SIX4: variants seen among roughly 807,000 people sequenced by gnomAD.
SIX4 encodes the protein homeobox protein SIX4.
A neutral mutation model predicts 51.5 loss-of-function variants in SIX4; 23 were observed. The ratio of observed to expected loss-of-function variants is 0.45; its 90% CI spans 0.32 to 0.63. The LOEUF is 0.63. Among genes scored for constraint, SIX4 ranks in the 30% least tolerant of loss-of-function variants. The pLI is 0.04. For synonymous variants in SIX4, 413 were observed against 417.3 expected (o/e 0.99, Z 0.13); for missense variants, 867 against 984.0 (o/e 0.88, Z 1.59).
At position 60,720,887 on chromosome 14, in the gene SIX4, T is replaced by C. The variant is rs530658275; in HGVS notation, c.864-442A>G. On this transcript the variant is annotated intron_variant, in intron 1 of 2. Coordinates refer to ENST00000216513, the MANE Select transcript of SIX4 (RefSeq NM_017420.5). The surrounding 1 kb of genome is among the most constrained non-coding windows in gnomAD (Gnocchi z 5.5). ...AAACCAATTCAGATTAGTGTTATCT[T>C]GGAGGTAAATGAAGCTGCCAAAGGA... 65 of 860,360 alleles carry C rather than the reference T, an allele frequency of 7.6e-5. No homozygotes were observed. Among genetic ancestry groups the C allele is most frequent in the Middle Eastern group, 5.9e-4 (1 of 1,706 alleles). 53.3% of individuals were successfully genotyped at this position (860,360 alleles called of 1,614,324 possible).
rs769143169 is a variant in SIX4, at chr14:60,714,063, T to C, written c.1690A>G (p.Ile564Val). 6.2e-7 allele frequency: 1 copy of C among 1,614,166 alleles called. No homozygotes were observed. The highest frequency in any genetic ancestry group is 1.7e-5 in the Admixed American group (1 of 60,012). Residue 564 changes from isoleucine (I) to valine (V), a missense_variant, in exon 3 of 3, where the codon ATA becomes GTA. Ile to Val is a conservative substitution (Grantham distance 29, BLOSUM62 3). Coordinates refer to ENST00000216513, the MANE Select transcript of SIX4 (RefSeq NM_017420.5). ...VYTVPNTGQTIGSVKQEGLER... is the reference protein window; with the variant it reads ...VYTVPNTGQTVGSVKQEGLER... ...AAGCCTTCCTGTTTCACAGATCCTA[T>C]AGTCTGGCCTGTATTAGGAACCGTG...
intron 2 of SIX4, among the ~76,000 whole-genome samples, chr14:60,714,903 A>G (rs1246840172): frequency 6.7e-6 from 1 of 149,398 alleles, no homozygotes; most frequent in African/African-American, 2.5e-5. Context: ...TGACCTTGTG[A>G]TCCACCCACC....
chr14:60,723,980 T>C lies in SIX4; in HGVS notation c.95A>G (p.His32Arg), dbSNP rs1248352358. ...MESASEGQEA[H>R]REVAGGAAVG... ...CGCCGCGCCCCCCGCCACTTCTCGG[T>C]GCGCCTCCTGCCCTTCCGAGGCGCT... The change falls in exon 1 of 3, where the codon CAC becomes CGC. Residue 32 changes from histidine to arginine, a missense_variant. By Grantham distance (29) the His-to-Arg change is conservative. Coordinates refer to ENST00000216513, the MANE Select transcript of SIX4 (RefSeq NM_017420.5). 3.3e-6 allele frequency: 5 copies of C among 1,513,614 alleles called. No homozygotes were observed. Among genetic ancestry groups the C allele is most frequent in the African/African-American group, 2.8e-5 (2 of 70,876 alleles). The allele number at this position is 1,513,614 out of a possible 1,614,324, so 93.8% of individuals were successfully genotyped here. A position where few individuals can be genotyped will look rare whatever the true frequency, so the allele number is the denominator to read the frequency against.
In SIX4 at chr14:60,723,888, C is replaced by A. The variant is rs1896087178; in HGVS notation, c.187G>T (p.Ala63Ser). 1.3e-6 allele frequency: 2 copies of A among 1,526,614 alleles called. No homozygotes were observed. The highest frequency in any genetic ancestry group is 1.7e-6 in the Non-Finnish European group (2 of 1,153,076). The allele number at this position is 1,526,614 out of a possible 1,614,324, so 94.6% of individuals were successfully genotyped here. A position where few individuals can be genotyped will look rare whatever the true frequency, so the allele number is the denominator to read the frequency against. The stretch of plus-strand genomic sequence containing the variant: ...GCCCCTTCCTCTCCGCTCACCCTGG[C>A]GGCAGCGGTCGCGGCGTCCCCCGGC... ...LEPGDAATAA[A>S]RVSGEEGAVA... The change falls in exon 1 of 3, where the codon GCC becomes TCC. Residue 63 changes from alanine to serine, a missense_variant. Ala to Ser is a moderately conservative substitution (Grantham distance 99, BLOSUM62 1). Coordinates refer to ENST00000216513, the MANE Select transcript of SIX4 (RefSeq NM_017420.5).
chr14:60,715,835 G>A (rs191303533), intron 2 of SIX4, among the ~76,000 whole-genome samples: 11 of 152,094 alleles, frequency 7.2e-5, no homozygotes, highest in African/African-American at 2.4e-4. Context: ...TTTGTGATAG[G>A]TGGGCTGTTT....
rs1895942076 is a variant in SIX4 at position 60,717,677 on chromosome 14, A to T, written c.1549+2083T>A. Among the ~76,000 whole-genome samples the T allele has an allele frequency of 6.6e-6, 1 of 152,168 alleles. No individual in the cohort carries two copies. Among genetic ancestry groups the T allele is most frequent in the Non-Finnish European group, 1.5e-5 (1 of 68,024 alleles). The stretch of plus-strand genomic sequence containing the variant: ...TTGAACAACAATTTTAAGATAAAAA[A>T]ATCCAACTGAAAAACCATATAGATA... On this transcript the variant is annotated intron_variant, in intron 2 of 2. Coordinates refer to ENST00000216513, the MANE Select transcript of SIX4 (RefSeq NM_017420.5). The surrounding 1 kb of genome is among the most constrained non-coding windows in gnomAD (Gnocchi z 4.6).
chr14:60,713,847 C>T lies in SIX4; in HGVS notation c.1906G>A (p.Asp636Asn), dbSNP rs115086834. Residue 636 changes from aspartate to asparagine, a missense_variant, in exon 3 of 3, where the codon GAC (aspartate) becomes AAC (asparagine). Transcript: ENST00000216513. ...GACATTGGTTGGCTATCGGCAATGT[C>T]GCGGTTTAGCTCAGTGGGATTTAGT... The part of the protein sequence containing the change: ...TLLNPTELNR[D>N]IADSQPMSAP... 64 of 1,614,054 alleles carry T rather than the reference C, an allele frequency of 4.0e-5. No individual in the cohort carries two copies. Among genetic ancestry groups the T allele is most frequent in the Middle Eastern group, 1.6e-4 (1 of 6,062 alleles).
In SIX4 at chr14:60,722,440, A is replaced by T. The variant is rs1001496797; in HGVS notation, c.863+772T>A. Among the ~76,000 whole-genome samples, 7 of 152,100 alleles carry T rather than the reference A, an allele frequency of 4.6e-5. No homozygotes were observed. The highest frequency in any genetic ancestry group is 1.0e-4 in the Non-Finnish European group (7 of 68,020). On this transcript the variant is annotated intron_variant, in intron 1 of 2. Coordinates refer to ENST00000216513, the MANE Select transcript of SIX4 (RefSeq NM_017420.5). This position sits in a 1 kb window ranked among gnomAD's most constrained non-coding sequence, Gnocchi z 5.9. ...GGAGCCAAGCAGCGTTCGGGGGCCG[A>T]GGGAGGAAGCAGCCCTTCAGCCCTG...
At chr14:60,715,007 G>A (rs1335084686) in intron 2 of SIX4, among the ~76,000 whole-genome samples, 2 of 151,810 alleles carry the variant, frequency 1.3e-5, no homozygotes, top group South Asian at 4.2e-4. Flanking sequence ...GATTCAGGGG[G>A]CATGTGCGCA....
At position 60,720,386 on chromosome 14, in the gene SIX4, G is replaced by A; in HGVS notation, c.923C>T (p.Ser308Phe). The A allele has an allele frequency of 1.2e-6, 2 of 1,614,202 alleles. No individual in the cohort carries two copies. Among genetic ancestry groups the A allele is most frequent in the Non-Finnish European group, 1.7e-6 (2 of 1,180,040 alleles). ...DESSKGHEDLSPHPLSSSSDG... is the reference protein window; with the variant it reads ...DESSKGHEDLFPHPLSSSSDG... ...AGATGAACTGGAGAGTGGGTGAGGA[G>A]ATAAATCCTCATGTCCCTTGCTGGA... The change falls in exon 2 of 3, where the codon TCT (serine) becomes TTT (phenylalanine). Residue 308 changes from serine (S) to phenylalanine (F), a missense_variant. Coordinates refer to ENST00000216513, the MANE Select transcript of SIX4 (RefSeq NM_017420.5). This position sits in a 1 kb window ranked among gnomAD's most constrained non-coding sequence, Gnocchi z 5.5.
Position 60,722,979 on chromosome 14 carries a change from A to C in SIX4, c.863+233T>G, listed in dbSNP as rs1048555604. ...GGGACTGAGACCTAGGCGGGCGACC[A>C]GAAACTTCTGGGGGGAGAGGGGGAG... On this transcript the variant is annotated intron_variant, in intron 1 of 2. Transcript: ENST00000216513. This position sits in a 1 kb window ranked among gnomAD's most constrained non-coding sequence, Gnocchi z 5.9. 3 of 749,092 alleles carry C rather than the reference A, an allele frequency of 4.0e-6. No individual in the cohort carries two copies. The highest frequency in any genetic ancestry group is 3.8e-5 in the Admixed American group (1 of 26,002). 46.4% of individuals were successfully genotyped at this position (749,092 alleles called of 1,614,324 possible).
At chr14:60,716,833 A>G (rs1895929210) in intron 2 of SIX4, among the ~76,000 whole-genome samples, 1 of 152,236 alleles carries the variant, frequency 6.6e-6, no homozygotes, top group Non-Finnish European at 1.5e-5. Flanking sequence ...TATGTCTTCC[A>G]AATATTTTTA....
At position 60,723,231 on chromosome 14, in the gene SIX4, A is replaced by T. The variant is rs768573845; in HGVS notation, c.844T>A (p.Ser282Thr). 74 of 1,610,854 alleles carry T rather than the reference A, an allele frequency of 4.6e-5. No individual in the cohort carries two copies. Among genetic ancestry groups the T allele is most frequent in the Non-Finnish European group, 5.9e-5 (70 of 1,179,314 alleles). The change falls in exon 1 of 3, where the codon TCC (serine) becomes ACC (threonine). Residue 282 changes from serine to threonine, a missense_variant. Physicochemically the swap from Ser to Thr is moderately conservative, Grantham distance 58. Coordinates refer to ENST00000216513, the MANE Select transcript of SIX4 (RefSeq NM_017420.5). The part of the protein sequence containing the change: ...KNRRQRDRNP[S>T]ETQSKSESDG... ...GCTCACCTTTTGGACTGGGTCTCGGAGGGGTTCCTGTCGCGCTGCCGGCGG... is the reference window on the plus strand; with the variant it reads ...GCTCACCTTTTGGACTGGGTCTCGGTGGGGTTCCTGTCGCGCTGCCGGCGG...
rs1896058142 is a variant in SIX4, at chr14:60,723,072, G to A, written c.863+140C>T. ...CTACCTCTGCCGGCCGGGGAGCGAG[G>A]TAGGGGGCGGGGAGAGGTGGGCAGC... On this transcript the variant is annotated intron_variant, in intron 1 of 2. Transcript: ENST00000216513. The A allele has an allele frequency of 2.1e-6, 3 of 1,413,788 alleles. No individual in the cohort carries two copies. In the South Asian group the frequency reaches 4.6e-5, roughly 22 times the overall value. 87.6% of individuals were successfully genotyped at this position (1,413,788 alleles called of 1,614,324 possible).
chr14:60,716,278 A>G (rs1158811712), intron 2 of SIX4, among the ~76,000 whole-genome samples: 1 of 150,944 alleles, frequency 6.6e-6, no homozygotes, highest in African/African-American at 2.4e-5. Context: ...TTTGAGACAG[A>G]GTCTCGCTCT....
Position 60,720,040 on chromosome 14 carries a change from G to A in SIX4, c.1269C>T (p.Val423=). 1.9e-6 allele frequency: 3 copies of A among 1,614,164 alleles called. No individual in the cohort carries two copies. In the South Asian group the frequency reaches 3.3e-5, roughly 18 times the overall value. ...TTGCTGAGTTAGCAGAACTCTGGAGGACTTTGAATTCCTTCACGTCCTGGG... is the reference window on the plus strand; with the variant it reads ...TTGCTGAGTTAGCAGAACTCTGGAGAACTTTGAATTCCTTCACGTCCTGGG... ...STSQDVKEFK[V]LQSSANSATT... Residue 423 remains valine (V), a synonymous_variant, in exon 2 of 3, where the codon GTC becomes GTT. Transcript: ENST00000216513. This position sits in a 1 kb window ranked among gnomAD's most constrained non-coding sequence, Gnocchi z 5.5.
rs1022585789 is a variant in SIX4, at chr14:60,717,877, T to G, written c.1549+1883A>C. On this transcript the variant is annotated intron_variant, in intron 2 of 2. Transcript: ENST00000216513. The surrounding 1 kb of genome is among the most constrained non-coding windows in gnomAD (Gnocchi z 4.6). ...ACACACGAAGATTAGCCGGTCATGG[T>G]GATGCACGCCTGTAGTCCCAGCTAC... is the stretch of plus-strand genomic sequence containing the variant. 6.4e-6 allele frequency: 1 copy of G among 157,334 alleles called. No individual in the cohort carries two copies. Among genetic ancestry groups the G allele is most frequent in the African/African-American group, 2.4e-5 (1 of 41,412 alleles). The allele number at this position is 157,334 out of a possible 1,614,324, so 9.7% of individuals were successfully genotyped here.
At position 60,713,886 on chromosome 14, in the gene SIX4, T is replaced by C. The variant is rs141550969; in HGVS notation, c.1867A>G (p.Ser623Gly). The C allele has an allele frequency of 1.3e-4, 214 of 1,613,980 alleles. No individual in the cohort carries two copies. The highest frequency in any genetic ancestry group is 1.6e-4 in the Non-Finnish European group (194 of 1,180,004). The part of the protein sequence containing the change: ...NVSPTHNFSL[S>G]PSTLLNPTEL... The stretch of plus-strand genomic sequence containing the variant: ...GTGGGATTTAGTAGTGTAGAGGGAC[T>C]GAGAGAAAAATTGTGAGTTGGAGAT... Residue 623 changes from serine (S) to glycine (G), a missense_variant, in exon 3 of 3, where the codon AGT (serine) becomes GGT (glycine). By Grantham distance (56) the Ser-to-Gly change is moderately conservative. Coordinates refer to ENST00000216513, the MANE Select transcript of SIX4 (RefSeq NM_017420.5).
At position 60,713,599 on chromosome 14, in the gene SIX4, T is replaced by A. The variant is rs1895861994; in HGVS notation, c.2154A>T (p.Val718=). 1 of 1,614,278 alleles carries A rather than the reference T, an allele frequency of 6.2e-7. No individual in the cohort carries two copies. The highest frequency in any genetic ancestry group is 8.5e-7 in the Non-Finnish European group (1 of 1,180,054). ...ATAAGAAATTCTCTTTCATGTTAGC[T>A]ACCGATTGCAGAACCAAACGATGTT... The part of the protein sequence containing the change: ...VQEHRLVLQS[V]ANMKENFLSN... The change falls in exon 3 of 3, where the codon GTA becomes GTT. Residue 718 remains valine (V), a synonymous_variant. Transcript: ENST00000216513.
Sources: allele counts gnomAD v4.1 joint callset (sites outside exome capture counted in the v4.1 genomes callset), GRCh38; gene constraint gnomAD v4.1.1; non-coding constraint Gnocchi (gnomAD v3.1); transcripts MANE v1.5; gene names NCBI Gene and HGNC (gene_info 2026-07-23, HGNC 2026-07-21).